The following PPP2R5C variants were observed in gnomAD, a reference collection of about 807,000 sequenced individuals.
PPP2R5C encodes serine/threonine-protein phosphatase 2A 56 kDa regulatory subunit gamma isoform.
In PPP2R5C, 7 loss-of-function variants were observed where a neutral mutation model predicts 68.9. The observed-to-expected ratio is 0.10, with a 90% CI of 0.06 to 0.19. PPP2R5C has a LOEUF of 0.19. Ranked by LOEUF, PPP2R5C falls within the 10% of genes least tolerant of loss-of-function variation. PPP2R5C has a pLI of 1.00. For missense variants in PPP2R5C, 348 were observed against 641.3 expected (o/e 0.54, Z 4.94); for synonymous variants, 210 against 222.2 (o/e 0.95, Z 0.49).
Position 101,913,086 on chromosome 14 carries a change from G to A in PPP2R5C, c.1326+613G>A, listed in dbSNP as rs1377399117. ...CTGCCGGGGCTGCCAGGGTCCGGGA[G>A]GGTTTCCTGGTGTCATGGTCTTTGG... On this transcript the variant is annotated intron_variant, in intron 12 of 13. Coordinates refer to ENST00000334743, the Ensembl canonical transcript of PPP2R5C. This position sits in a 1 kb window ranked among gnomAD's most constrained non-coding sequence, Gnocchi z 4.1. Among the ~76,000 whole-genome samples, 1 of 152,222 alleles carries A rather than the reference G, an allele frequency of 6.6e-6. No homozygotes were observed. The highest frequency in any genetic ancestry group is 1.9e-4 in the East Asian group (1 of 5,196).
chr14:101,822,332 G>A (rs1009365386), intron 1 of PPP2R5C, among the ~76,000 whole-genome samples: 5 of 152,212 alleles, frequency 3.3e-5, no homozygotes, highest in East Asian at 3.9e-4. Context: ...AGAAAAACAC[G>A]AACGAGAATG....
chr14:101,860,443 A>G (rs1399899763), intron 2 of PPP2R5C, among the ~76,000 whole-genome samples: 4 of 152,110 alleles, frequency 2.6e-5, no homozygotes, highest in African/African-American at 9.7e-5. Flanking sequence ...GTATCTGTTG[A>G]TGGACACTAT....
intron 5 of PPP2R5C, among the ~76,000 whole-genome samples, chr14:101,887,095 T>C (rs2044577557): frequency 6.6e-6 from 1 of 152,212 alleles, no homozygotes; most frequent in Non-Finnish European, 1.5e-5. Flanking sequence ...TTTGAACATA[T>C]TTGGCTCAAC....
chr14:101,814,046 T>C (rs1377602797), intron 1 of PPP2R5C, among the ~76,000 whole-genome samples: 1 of 152,190 alleles, frequency 6.6e-6, no homozygotes, highest in Non-Finnish European at 1.5e-5. Flanking sequence ...TAACAATAGC[T>C]ATACATAATG....
At chr14:101,779,353 G>A (rs901967097) in intron 2 of PPP2R5C, among the ~76,000 whole-genome samples, 11 of 152,168 alleles carry the variant, frequency 7.2e-5, no homozygotes, top group Non-Finnish European at 1.5e-5. Context: ...AAGTGTAAGG[G>A]AACCCCCTTA....
intron 1 of PPP2R5C, among the ~76,000 whole-genome samples, chr14:101,841,524 G>T (rs898807914): frequency 1.3e-5 from 2 of 152,316 alleles, no homozygotes; most frequent in East Asian, 1.9e-4. Context: ...CTCGTTCCGT[G>T]TCCAGACAGA....
At chr14:101,920,574 T>C (rs1435125938) in intron 13 of PPP2R5C, among the ~76,000 whole-genome samples, 1 of 152,204 alleles carries the variant, frequency 6.6e-6, no homozygotes, top group South Asian at 2.1e-4. Flanking sequence ...AGAAGAGTCA[T>C]TGGGATGTCT....
At chr14:101,783,688 C>T (rs2037951269) in intron 2 of PPP2R5C, among the ~76,000 whole-genome samples, 1 of 152,206 alleles carries the variant, frequency 6.6e-6, no homozygotes, top group African/African-American at 2.4e-5. Context: ...GGCTGGGCCA[C>T]CTTCCATGCA....
At chr14:101,920,701 AAAC>A (rs546319999) in intron 13 of PPP2R5C, among the ~76,000 whole-genome samples, 219 of 152,376 alleles carry the variant, frequency 1.4e-3, no homozygotes, top group African/African-American at 5.1e-3. Flanking sequence ...AGAGTAGCCA[AAAC>A]AACTGTGAAA....
chr14:101,894,999 G>A (rs1284021362), intron 8 of PPP2R5C, among the ~76,000 whole-genome samples: 3 of 152,134 alleles, frequency 2.0e-5, no homozygotes, highest in Non-Finnish European at 4.4e-5. Context: ...AAGTTACACT[G>A]TAACTATTTT....
chr14:101,886,648 T>C (rs555796376), intron 5 of PPP2R5C, among the ~76,000 whole-genome samples: 2 of 152,314 alleles, frequency 1.3e-5, no homozygotes, highest in African/African-American at 4.8e-5. Context: ...TACCTCCTCA[T>C]TTCATGTGAG....
chr14:101,779,602 C>T (rs536928515), intron 2 of PPP2R5C, among the ~76,000 whole-genome samples: 86 of 152,122 alleles, frequency 5.7e-4, no homozygotes, highest in African/African-American at 2.0e-3. Flanking sequence ...AGGAGAGACT[C>T]ATCTCTCCCA....
At chr14:101,886,906 T>A (rs2044560071) in intron 5 of PPP2R5C, among the ~76,000 whole-genome samples, 1 of 152,036 alleles carries the variant, frequency 6.6e-6, no homozygotes, top group Non-Finnish European at 1.5e-5. Context: ...ACTTTTAAAA[T>A]TTTTGTAGAG....
chr14:101,807,853 TA>T (rs1462441079), upstream of PPP2R5C, among the ~76,000 whole-genome samples: 1 of 151,480 alleles, frequency 6.6e-6, no homozygotes, highest in East Asian at 1.9e-4. Flanking sequence ...CTATTCCGTA[TA>T]TTATATATAA....
intron 2 of PPP2R5C, among the ~76,000 whole-genome samples, chr14:101,769,892 G>A (rs2037059736): frequency 6.6e-6 from 1 of 152,134 alleles, no homozygotes; most frequent in Non-Finnish European, 1.5e-5. Flanking sequence ...CAATGTTGTT[G>A]TTTTGTAAAC....
chr14:101,899,140 G>A lies in PPP2R5C; in HGVS notation c.853-2579G>A, dbSNP rs533582517. ...GTGTACAGTGCTCAAAAGCTTTCTG[G>A]GCACATGAAACACTTTCTCTGTTGG... On this transcript the variant is annotated intron_variant, in intron 8 of 13. Coordinates refer to ENST00000334743, the Ensembl canonical transcript of PPP2R5C. This position sits in a 1 kb window ranked among gnomAD's most constrained non-coding sequence, Gnocchi z 4.2. 6.6e-6 allele frequency among the ~76,000 whole-genome samples: 1 copy of A among 152,282 alleles called. No individual in the cohort carries two copies. Among genetic ancestry groups the A allele is most frequent in the East Asian group, 1.9e-4 (1 of 5,194 alleles).
chr14:101,885,488 T>G (rs1042955806), intron 5 of PPP2R5C, among the ~76,000 whole-genome samples: 2 of 138,742 alleles, frequency 1.4e-5, no homozygotes, highest in Admixed American at 1.4e-4. Context: ...CCCCGGCCTC[T>G]CCCATCCCGT....
Position 101,835,780 on chromosome 14 carries a change from C to T in PPP2R5C, c.95-20906C>T, listed in dbSNP as rs948368474. On this transcript the variant is annotated intron_variant, in intron 1 of 13. Transcript: ENST00000334743. This position sits in a 1 kb window ranked among gnomAD's most constrained non-coding sequence, Gnocchi z 5.0. ...GTCCCCTCACGGGGTGCCTCTTGCC[C>T]TTGCAGATCACCAGGTGCTCCGAGC... 1.1e-4 allele frequency among the ~76,000 whole-genome samples: 17 copies of T among 152,222 alleles called. No individual in the cohort carries two copies. The highest frequency in any genetic ancestry group is 2.4e-4 in the Non-Finnish European group (16 of 68,042).
intron 1 of PPP2R5C, among the ~76,000 whole-genome samples, chr14:101,854,812 TATTA>T (rs1300999925): frequency 1.3e-5 from 2 of 152,230 alleles, no homozygotes; most frequent in Non-Finnish European, 2.9e-5. Context: ...AACATGTATT[TATTA>T]ATTTACTAAA....
Sources: allele counts gnomAD v4.1 joint callset (sites outside exome capture counted in the v4.1 genomes callset), GRCh38; gene constraint gnomAD v4.1.1; non-coding constraint Gnocchi (gnomAD v3.1); transcripts MANE v1.5; gene names NCBI Gene and HGNC (gene_info 2026-07-23, HGNC 2026-07-21).